ZNF385D: variants seen among roughly 807,000 people sequenced by gnomAD.
ZNF385D encodes the protein zinc finger protein 659.
ZNF385D carries 15 observed loss-of-function variants against 35.8 expected under a neutral mutation model. That is an observed-to-expected ratio of 0.42 (90% CI 0.28 to 0.64). The LOEUF (loss-of-function observed/expected upper bound fraction) is 0.64, where lower values mean the gene tolerates loss of function less well. ZNF385D is among the 30% of genes least tolerant of loss of function. ZNF385D has a pLI of 0.23. For synonymous variants in ZNF385D, 212 were observed against 186.8 expected (o/e 1.13, Z -1.10); for missense variants, 474 against 494.6 (o/e 0.96, Z 0.39).
chr3:21,650,968 T>A (rs2065893826), intron 2 of ZNF385D, among the ~76,000 whole-genome samples: 1 of 152,036 alleles, frequency 6.6e-6, no homozygotes, highest in Admixed American at 6.6e-5. Context: ...CTCGCAATTA[T>A]CCTAACAATT....
chr3:21,731,724 G>GA (rs1432344921), intron 1 of ZNF385D, among the ~76,000 whole-genome samples: 1 of 151,932 alleles, frequency 6.6e-6, no homozygotes, highest in African/African-American at 2.4e-5. Flanking sequence ...GAATTTGATA[G>GA]AAAAAAAGCC....
At chr3:21,857,541 C>T (rs1022700159) in intron 3 of ZNF385D, among the ~76,000 whole-genome samples, 1 of 151,888 alleles carries the variant, frequency 6.6e-6, no homozygotes, top group Non-Finnish European at 1.5e-5. Flanking sequence ...CACGGGGCCT[C>T]ATAATTCTGA....
chr3:21,598,953 T>C (rs758552380), intron 2 of ZNF385D, among the ~76,000 whole-genome samples: 1 of 152,196 alleles, frequency 6.6e-6, no homozygotes, highest in Non-Finnish European at 1.5e-5. Context: ...TGTCTTTAGG[T>C]CTCCCTGCCA....
chr3:21,953,544 T>C (rs1559786979), intron 3 of ZNF385D, among the ~76,000 whole-genome samples: 1 of 152,048 alleles, frequency 6.6e-6, no homozygotes. Context: ...TACAGTTTAT[T>C]CAATAGCTTT....
At chr3:21,627,532 A>G (rs186898569) in intron 2 of ZNF385D, among the ~76,000 whole-genome samples, 1 of 152,138 alleles carries the variant, frequency 6.6e-6, no homozygotes, top group Non-Finnish European at 1.5e-5. Context: ...CTCACCATCT[A>G]TCTCATTCCC....
rs557079862 is a variant in ZNF385D at position 21,665,074 on chromosome 3, G to A, written c.23-46C>T. ...GGAGCAATCAGGGACACCACGCATG[G>A]AAAAAAACACCAAAGTTGCTTTTGA... On this transcript the variant is annotated intron_variant, in intron 1 of 7. Coordinates refer to ENST00000281523, the MANE Select transcript of ZNF385D (RefSeq NM_024697.3). 7.2e-6 allele frequency: 11 copies of A among 1,519,138 alleles called. No homozygotes were observed. The East Asian group carries it at 2.6e-4, about 36-fold the overall frequency. 94.1% of individuals were successfully genotyped at this position (1,519,138 alleles called of 1,614,324 possible). A position where few individuals can be genotyped will look rare whatever the true frequency, so the allele number is the denominator to read the frequency against.
At chr3:22,136,304 C>T (rs1477047688) in intron 3 of ZNF385D, among the ~76,000 whole-genome samples, 1 of 152,056 alleles carries the variant, frequency 6.6e-6, no homozygotes, top group Non-Finnish European at 1.5e-5. Flanking sequence ...ACGAGAATCG[C>T]TTGAACCTGG....
chr3:21,474,404 C>CTAGTTATTTAG (rs1455277457), intron 4 of ZNF385D, among the ~76,000 whole-genome samples: 3 of 151,984 alleles, frequency 2.0e-5, no homozygotes, highest in Admixed American at 1.3e-4. Context: ...AGTAGGTGCC[C>CTAGTTATTTAG]CAGAAACAAA....
rs11461604 is a variant in ZNF385D, at chr3:22,068,011, G to GAA, written c.325+100804_325+100805dup. On this transcript the variant is annotated intron_variant, in intron 3 of 5. Transcript: ENST00000494108. ...CTGGTGAAAGAGCAAGACTCCACTG[G>GAA]AAAAAAAAAAATCTAAGACTTCTCT... Among the ~76,000 whole-genome samples the GAA allele has an allele frequency of 8.7e-3, 1,299 of 149,608 alleles. 13 individuals carry two copies. The highest frequency in any genetic ancestry group is 0.028 in the African/African-American group (1,156 of 40,984).
chr3:21,453,263 T>C (rs1702577746), intron 4 of ZNF385D, among the ~76,000 whole-genome samples: 1 of 151,820 alleles, frequency 6.6e-6, no homozygotes, highest in Admixed American at 6.6e-5. Flanking sequence ...ACTATAACGC[T>C]CTTAGAAAGA....
intron 2 of ZNF385D, among the ~76,000 whole-genome samples, chr3:22,356,718 A>C (rs1313441753): frequency 1.3e-5 from 2 of 152,002 alleles, no homozygotes; most frequent in African/African-American, 4.8e-5. Flanking sequence ...AATCAAAGAC[A>C]ATGCCATTCA....
At chr3:21,968,475 G>A (rs1667567861) in intron 3 of ZNF385D, among the ~76,000 whole-genome samples, 1 of 152,036 alleles carries the variant, frequency 6.6e-6, no homozygotes, top group Admixed American at 6.6e-5. Flanking sequence ...CCAGCCCCAG[G>A]CAGAAGAGCT....
intron 2 of ZNF385D, among the ~76,000 whole-genome samples, chr3:21,609,035 T>C (rs760453617): frequency 3.7e-4 from 56 of 152,218 alleles, no homozygotes; most frequent in Non-Finnish European, 7.2e-4. Context: ...TAAATGTAAC[T>C]ATCAAGCACT....
At chr3:21,489,808 C>A in intron 4 of ZNF385D, among the ~76,000 whole-genome samples, 1 of 152,110 alleles carries the variant, frequency 6.6e-6, no homozygotes, top group East Asian at 1.9e-4. Flanking sequence ...AGACCTCCAG[C>A]ACATTGTGAA....
intron 1 of ZNF385D, among the ~76,000 whole-genome samples, chr3:21,713,459 C>T (rs546120022): frequency 1.6e-4 from 24 of 152,216 alleles, no homozygotes; most frequent in Middle Eastern, 3.4e-3. Context: ...GTGGGGTATA[C>T]ATTCTAAGTG....
chr3:22,317,625 C>G (rs1703973095), intron 2 of ZNF385D, among the ~76,000 whole-genome samples: 1 of 152,186 alleles, frequency 6.6e-6, no homozygotes, highest in Non-Finnish European at 1.5e-5. Context: ...TTTCTACATT[C>G]CCCATCCCCT....
At position 22,339,340 on chromosome 3, in the gene ZNF385D, C is replaced by T. The variant is rs1385289246; in HGVS notation, c.106+33110G>A. ...TAACATAGCTAATATCATTTTCTCA[C>T]CTTCTTTGTGAACAAGGAAGGCCTG... On this transcript the variant is annotated intron_variant, in intron 2 of 5. Coordinates refer to the ZNF385D transcript ENST00000494108. Among the ~76,000 whole-genome samples the T allele has an allele frequency of 2.0e-5, 3 of 152,122 alleles. No individual in the cohort carries two copies. In the East Asian group the frequency reaches 5.8e-4, roughly 29 times the overall value.
intron 3 of ZNF385D, among the ~76,000 whole-genome samples, chr3:22,163,342 C>T (rs540837457): frequency 5.2e-4 from 79 of 152,204 alleles, no homozygotes; most frequent in Non-Finnish European, 9.7e-4. Flanking sequence ...CGTACATCGC[C>T]GTCAGAAACC....
At chr3:22,030,023 G>C (rs929302801) in intron 3 of ZNF385D, among the ~76,000 whole-genome samples, 1 of 151,600 alleles carries the variant, frequency 6.6e-6, no homozygotes, top group Non-Finnish European at 1.5e-5. Context: ...GGTGGGCACA[G>C]CCTAATCAGC....
Sources: gnomAD v4.1 joint callset for allele counts (sites outside exome capture counted in the v4.1 genomes callset) on GRCh38, gnomAD v4.1.1 for gene constraint, MANE v1.5 for transcripts, NCBI Gene and HGNC (gene_info 2026-07-23, HGNC 2026-07-21) for gene names.